The following ITGA2 variants were observed in gnomAD, a reference collection of about 807,000 sequenced individuals.
ITGA2 encodes the protein integrin subunit alpha 2, also known as integrin alpha-2.
In ITGA2, 101 loss-of-function variants were observed where a neutral mutation model predicts 146.3. The observed-to-expected ratio is 0.69, with a 90% CI of 0.59 to 0.81. ITGA2 has a LOEUF of 0.81. Among genes scored for constraint, ITGA2 ranks in the 40% least tolerant of loss-of-function variants. The pLI, the probability that ITGA2 is intolerant of heterozygous loss-of-function variation, is 0.00. For synonymous variants in ITGA2, 477 were observed against 487.1 expected (o/e 0.98, Z 0.27); for missense variants, 1,281 against 1,402.7 (o/e 0.91, Z 1.39).
chr5:53,034,334 C>T (rs1007753637), intron 2 of ITGA2, among the ~76,000 whole-genome samples: 1 of 151,816 alleles, frequency 6.6e-6, no homozygotes, highest in African/African-American at 2.4e-5. Flanking sequence ...GACAACCCCC[C>T]AAGAGGCGGA....
chr5:53,030,933 A>T (rs765275694), intron 2 of ITGA2, among the ~76,000 whole-genome samples: 35 of 152,320 alleles, frequency 2.3e-4, no homozygotes, highest in South Asian at 2.1e-3. Flanking sequence ...AGCCCTGCCA[A>T]GGTACCTTGC....
In ITGA2 at chr5:53,056,090, A is replaced by G. The variant is rs777600921; in HGVS notation, c.1037A>G (p.Asp346Gly). 1.2e-6 allele frequency: 2 copies of G among 1,612,202 alleles called. No individual in the cohort carries two copies. Among genetic ancestry groups the G allele is most frequent in the East Asian group, 4.5e-5 (2 of 44,732 alleles). Residue 346 changes from aspartate (D) to glycine (G), a missense_variant, in exon 9 of 30, where the codon GAT (aspartate) becomes GGT (glycine). Physicochemically the swap from Asp to Gly is moderately conservative, Grantham distance 94. Coordinates refer to ENST00000296585, the MANE Select transcript of ITGA2 (RefSeq NM_002203.4). The part of the protein sequence containing the change: ...PTERYFFNVS[D>G]EAALLEKAGT... ...GAAAGATACTTTTTCAATGTGTCTG[A>G]TGAAGCAGCTCTACTAGAAAAGGCT... is the stretch of plus-strand genomic sequence containing the variant.
At chr5:53,031,991 G>C (rs1743249688) in intron 2 of ITGA2, among the ~76,000 whole-genome samples, 1 of 152,090 alleles carries the variant, frequency 6.6e-6, no homozygotes, top group Admixed American at 6.6e-5. Flanking sequence ...AACAATCTGA[G>C]CTCATTATGT....
At chr5:53,062,625 C>T (rs935208325) in intron 12 of ITGA2, among the ~76,000 whole-genome samples, 161 bp from the exon 13 acceptor site, 2 of 151,872 alleles carry the variant, frequency 1.3e-5, no homozygotes, top group Admixed American at 6.6e-5. Context: ...GGTGTTAGAA[C>T]CTGAGGGAAG....
chr5:53,008,642 GTC>G (rs3212400), intron 1 of ITGA2, among the ~76,000 whole-genome samples: 120,299 of 151,446 alleles, frequency 0.79, 48,441 homozygotes, highest in Non-Finnish European at 0.87. Context: ...GTCAGCTAGA[GTC>G]TCTCTCTCTC....
At chr5:53,046,150 G>C (rs993155217) in intron 4 of ITGA2, among the ~76,000 whole-genome samples, 5 of 143,100 alleles carry the variant, frequency 3.5e-5, no homozygotes, top group African/African-American at 7.8e-5. Context: ...AGCCGAGATC[G>C]TGCCACTGCA....
At chr5:53,045,198 CT>C (rs1744015985) in intron 4 of ITGA2, 106 bp downstream of exon 4, 6 of 881,760 alleles carry the variant, frequency 6.8e-6, no homozygotes, top group Non-Finnish European at 1.1e-5. Context: ...TTAGAACTTG[CT>C]TTTTGATAAA....
chr5:53,050,579 A>G (rs1172315116), intron 6 of ITGA2, among the ~76,000 whole-genome samples: 2 of 152,220 alleles, frequency 1.3e-5, no homozygotes, highest in African/African-American at 4.8e-5. Context: ...ACCTCCTTAC[A>G]TACTGACCTG....
At chr5:53,085,314 C>T (rs1746108140) in intron 27 of ITGA2, among the ~76,000 whole-genome samples, 1 of 152,150 alleles carries the variant, frequency 6.6e-6, no homozygotes, top group African/African-American at 2.4e-5. Context: ...GATAGAGTTG[C>T]TGCCATTTGT....
chr5:53,050,945 G>A (rs1744330693), intron 6 of ITGA2, among the ~76,000 whole-genome samples: 1 of 152,086 alleles, frequency 6.6e-6, no homozygotes, highest in Non-Finnish European at 1.5e-5. Context: ...GGTTTTTGTT[G>A]TATTCAATTC....
At chr5:53,011,796 G>A (rs571650455) in intron 1 of ITGA2, among the ~76,000 whole-genome samples, 4 of 152,060 alleles carry the variant, frequency 2.6e-5, no homozygotes, top group Non-Finnish European at 4.4e-5. Context: ...AAGAAAACCC[G>A]GACTCAGAAG....
At chr5:53,053,575 T>G (rs77925910) in intron 7 of ITGA2, among the ~76,000 whole-genome samples, 2 of 152,136 alleles carry the variant, frequency 1.3e-5, no homozygotes, top group African/African-American at 4.8e-5. Context: ...TCCAGGACAA[T>G]GGCCACTGTC....
rs1218133346 is a variant in ITGA2 at position 53,091,684 on chromosome 5, TA to T, written c.*1086del. 6.6e-6 allele frequency: 1 copy of T among 152,146 alleles called. No homozygotes were observed. The highest frequency in any genetic ancestry group is 6.5e-5 in the Admixed American group (1 of 15,270). The allele number at this position is 152,146 out of a possible 1,614,324, so 9.4% of individuals were successfully genotyped here. A position where few individuals can be genotyped will look rare whatever the true frequency, so the allele number is the denominator to read the frequency against. ...AGGACAGCTGCTGTGCATTAGATAT[TA>T]GGGGGGAAAGTCATCTGTTTAATTT... On this transcript the variant is annotated 3_prime_UTR_variant, in exon 30 of 30. Transcript: ENST00000296585.
At chr5:53,005,197 A>G (rs1006356879) in intron 1 of ITGA2, among the ~76,000 whole-genome samples, 3 of 151,946 alleles carry the variant, frequency 2.0e-5, no homozygotes, top group African/African-American at 7.3e-5. Context: ...TGGAAGGATA[A>G]TATTTTCTTG....
chr5:52,989,623 G>T (rs75823056), intron 1 of ITGA2, 91 bp downstream of exon 1: 4 of 1,392,232 alleles, frequency 2.9e-6, no homozygotes, highest in African/African-American at 2.8e-5. Context: ...ACTAGGGAGC[G>T]AGCTCCGTGT....
chr5:53,073,041 A>C (rs528177831), intron 19 of ITGA2, 77 bp from the exon 20 acceptor site: 2 of 1,462,072 alleles, frequency 1.4e-6, no homozygotes, highest in African/African-American at 1.4e-5. Flanking sequence ...TTAGTTTTTT[A>C]ATGAGTGAAA....
chr5:53,045,195 T>C, intron 4 of ITGA2, 103 bp downstream of exon 4: 6 of 919,190 alleles, frequency 6.5e-6, no homozygotes, highest in Non-Finnish European at 8.8e-6. Flanking sequence ...TGTTTAGAAC[T>C]TGCTTTTTGA....
chr5:53,033,470 A>G (rs947717276), intron 2 of ITGA2, among the ~76,000 whole-genome samples: 1 of 152,136 alleles, frequency 6.6e-6, no homozygotes, highest in East Asian at 1.9e-4. Context: ...ATATTAGCCA[A>G]TTATCATCCT....
At position 53,073,276 on chromosome 5, in the gene ITGA2, T is replaced by A; in HGVS notation, c.2571+17T>A. ...TCCCTGCCGGTATGTGATGAGACCC[T>A]GTACTTACTTCCACCATGCTTCCTA... On this transcript the variant is annotated intron_variant, in intron 20 of 29. Coordinates refer to ENST00000296585, the MANE Select transcript of ITGA2 (RefSeq NM_002203.4). 3 of 1,611,496 alleles carry A rather than the reference T, an allele frequency of 1.9e-6. No homozygotes were observed. Among genetic ancestry groups the A allele is most frequent in the Non-Finnish European group, 2.5e-6 (3 of 1,178,094 alleles).
Sources: gnomAD v4.1 joint callset for allele counts (sites outside exome capture counted in the v4.1 genomes callset) on GRCh38, gnomAD v4.1.1 for gene constraint, MANE v1.5 for transcripts, NCBI Gene and HGNC (gene_info 2026-07-23, HGNC 2026-07-21) for gene names.